DMD: variants seen among roughly 807,000 people sequenced by gnomAD.
DMD encodes dystrophin.
In DMD, 63 loss-of-function variants were observed where a neutral mutation model predicts 330.1. That is an observed-to-expected ratio of 0.19 (90% confidence interval 0.16 to 0.24). The LOEUF (loss-of-function observed/expected upper bound fraction) is 0.24, where lower values mean the gene tolerates loss of function less well. Among genes scored for constraint, DMD ranks in the 10% least tolerant of loss-of-function variants. The pLI, the probability that DMD is intolerant of heterozygous loss-of-function variation, is 1.00. For missense variants in DMD, 3,344 were observed against 2,684.1 expected (o/e 1.25, Z -5.43); for synonymous variants, 1,223 against 959.8 (o/e 1.27, Z -5.07).
chrX:31,289,287 T>A (rs1447828583), intron 62 of DMD, among the ~76,000 whole-genome samples: 3 of 66,176 alleles, frequency 4.5e-5, no homozygotes, highest in African/African-American at 8.6e-5. Flanking sequence ...ATAAAATCCA[T>A]CTCAAAAAAA....
chrX:32,804,030 A>C (rs139722886), intron 7 of DMD, among the ~76,000 whole-genome samples: 135 of 111,450 alleles, frequency 1.2e-3, no homozygotes, highest in Non-Finnish European at 1.1e-3. Context: ...TGTCTCGTTG[A>C]TCTGTCTAAT....
chrX:32,845,379 T>C (rs1383203723), intron 3 of DMD, among the ~76,000 whole-genome samples: 1 of 112,288 alleles, frequency 8.9e-6, no homozygotes, highest in East Asian at 2.8e-4. Flanking sequence ...CCAAAAGTTG[T>C]ATCTTATCCT....
chrX:32,777,282 G>GGGGGGGGGGGGGGGGGGGGGGA (rs1368782701), intron 7 of DMD, among the ~76,000 whole-genome samples: 1 of 54,132 alleles, frequency 1.8e-5, no homozygotes, highest in African/African-American at 6.4e-5. Flanking sequence ...CTGGTTGGGG[G>GGGGGGGGGGGGGGGGGGGGGGA]GGGAATCCTA....
At chrX:31,497,663 C>T (rs2070009739) in intron 56 of DMD, among the ~76,000 whole-genome samples, 1 of 112,017 alleles carries the variant, frequency 8.9e-6, no homozygotes, top group African/African-American at 3.2e-5. Flanking sequence ...ATTTAGAACA[C>T]GTTAATCCTT....
chrX:31,991,092 T>A (rs1379285236), intron 44 of DMD, among the ~76,000 whole-genome samples: 1 of 111,547 alleles, frequency 9.0e-6, no homozygotes, highest in Non-Finnish European at 1.9e-5. Context: ...GTATAAGAAA[T>A]AAAAAGTGCA....
In DMD at chrX:32,841,394, A is replaced by G. The variant is rs1256613970; in HGVS notation, c.264+3389T>C. Among the ~76,000 whole-genome samples, 3 of 112,020 alleles carry G rather than the reference A, an allele frequency of 2.7e-5. No individual in the cohort carries two copies. The Admixed American group carries it at 2.9e-4, about 11-fold the overall frequency. ...AACAAATACAAAAATAGAAAGGGCC[A>G]ATAACCAATAAAATCTCGAACAAAG... On this transcript the variant is annotated intron_variant, in intron 4 of 78. Transcript: ENST00000357033.
At chrX:32,342,527 TTTTC>T (rs1159452099) in intron 40 of DMD, 2 of 379,466 alleles carry the variant, frequency 5.3e-6, no homozygotes, top group African/African-American at 5.1e-5. Flanking sequence ...TGGTCTAACA[TTTTC>T]TTTCTTCTAA....
At position 32,485,014 on chromosome X, in the gene DMD, C is replaced by T; in HGVS notation, c.2708G>A (p.Gly903Glu). Residue 903 changes from glycine (G) to glutamate (E), a missense_variant, in exon 21 of 79, where the codon GGA (glycine) becomes GAA (glutamate). Coordinates refer to ENST00000357033, the MANE Select transcript of DMD (RefSeq NM_004006.3). ...AAAGTCTGCATCCAGGAACATGGGTCCTTGTCCTTTCTCTTTCAGGGCTAT... is the reference window on the plus strand; with the variant it reads ...AAAGTCTGCATCCAGGAACATGGGTTCTTGTCCTTTCTCTTTCAGGGCTAT... ...QSIALKEKGQGPMFLDADFVA... is the reference protein window; with the variant it reads ...QSIALKEKGQEPMFLDADFVA... 1 of 1,211,247 alleles carries T rather than the reference C, an allele frequency of 8.3e-7. No homozygotes were observed.
At chrX:32,616,555 G>A (rs1816527) in intron 11 of DMD, among the ~76,000 whole-genome samples, 16,572 of 109,778 alleles carry the variant, frequency 0.15, 2,400 homozygotes, top group African/African-American at 0.45. Context: ...CATCCCATCA[G>A]TGTTTTTTGT....
intron 44 of DMD, among the ~76,000 whole-genome samples, chrX:32,137,049 C>T: frequency 8.9e-6 from 1 of 112,123 alleles, no homozygotes; most frequent in Non-Finnish European, 1.9e-5. Context: ...TTATTATGTA[C>T]AGCGTGCATT....
intron 13 of DMD, among the ~76,000 whole-genome samples, chrX:32,582,480 G>C (rs2053753089): frequency 9.0e-6 from 1 of 111,565 alleles, no homozygotes; most frequent in African/African-American, 3.3e-5. Flanking sequence ...ATTATTGAGA[G>C]AAAATAAAGA....
At chrX:32,101,014 G>C (rs757556563) in intron 44 of DMD, among the ~76,000 whole-genome samples, 2 of 111,904 alleles carry the variant, frequency 1.8e-5, no homozygotes, top group African/African-American at 6.5e-5. Flanking sequence ...CTGGTTGCCA[G>C]AATTTTATCA....
At chrX:31,919,554 C>G (rs996374605) in intron 47 of DMD, among the ~76,000 whole-genome samples, 1 of 112,046 alleles carries the variant, frequency 8.9e-6, no homozygotes, top group Admixed American at 9.5e-5. Context: ...TCCCACCACA[C>G]TTGGCCAACC....
At chrX:31,983,374 C>T (rs1439534479) in intron 44 of DMD, among the ~76,000 whole-genome samples, 1 of 111,082 alleles carries the variant, frequency 9.0e-6, no homozygotes, top group African/African-American at 3.3e-5. Context: ...TTACATACTA[C>T]CCTAATCCTA....
intron 48 of DMD, among the ~76,000 whole-genome samples, chrX:31,858,998 G>T (rs551016199): frequency 8.9e-6 from 1 of 111,906 alleles, no homozygotes; most frequent in South Asian, 3.7e-4. Flanking sequence ...TTCTTCAGCA[G>T]TAACTCAGAG....
At chrX:32,622,339 T>C (rs2058053275) in intron 11 of DMD, among the ~76,000 whole-genome samples, 1 of 111,759 alleles carries the variant, frequency 8.9e-6, no homozygotes, top group Non-Finnish European at 1.9e-5. Context: ...ATTCATCCCA[T>C]TGTTGGAAAG....
chrX:32,839,829 G>T (rs964258691), intron 4 of DMD, among the ~76,000 whole-genome samples: 1 of 110,407 alleles, frequency 9.1e-6, no homozygotes, highest in African/African-American at 3.3e-5. Context: ...TCCTGCCTCA[G>T]CCTCATGAGT....
Position 32,042,419 on chromosome X carries a change from G to T in DMD, c.6439-73905C>A, listed in dbSNP as rs751485845. Among the ~76,000 whole-genome samples the T allele has an allele frequency of 6.6e-4, 72 of 109,894 alleles. 1 individual carries two copies. Among genetic ancestry groups the T allele is most frequent in the Non-Finnish European group, 1.0e-3 (53 of 52,748 alleles). On this transcript the variant is annotated intron_variant, in intron 44 of 78. Coordinates refer to ENST00000357033, the MANE Select transcript of DMD (RefSeq NM_004006.3). Reference sequence around the variant, plus strand: ...TGGCAAGAAGGAGAATGAGTGAGGAGGGAAGGGGGAAGAGCCCTTTATAAA... The same window carrying T: ...TGGCAAGAAGGAGAATGAGTGAGGATGGAAGGGGGAAGAGCCCTTTATAAA...
intron 1 of DMD, among the ~76,000 whole-genome samples, chrX:33,129,915 C>T (rs2095489422): frequency 9.0e-6 from 1 of 111,630 alleles, no homozygotes; most frequent in African/African-American, 3.3e-5. Context: ...TTACTTTAGG[C>T]GTTTCTCCTT....
Sources: gnomAD v4.1 joint callset for allele counts (sites outside exome capture counted in the v4.1 genomes callset) on GRCh38, gnomAD v4.1.1 for gene constraint, MANE v1.5 for transcripts, NCBI Gene and HGNC (gene_info 2026-07-23, HGNC 2026-07-21) for gene names.